DNAH11: variants seen among roughly 807,000 people sequenced by gnomAD.
DNAH11 encodes dynein axonemal heavy chain 11, also known as axonemal beta dynein heavy chain 11.
In DNAH11, 442 loss-of-function variants were observed where a neutral mutation model predicts 526.0. The observed-to-expected ratio is 0.84, with a 90% CI of 0.78 to 0.91. The LOEUF (loss-of-function observed/expected upper bound fraction) is 0.91. Among genes scored for constraint, DNAH11 ranks in the 40% least tolerant of loss-of-function variants. The probability of loss-of-function intolerance (pLI) is 0.00; values close to 1 mark genes in which losing one functional copy is unlikely to be tolerated. For synonymous variants in DNAH11, 2,461 were observed against 1,935.9 expected (o/e 1.27, Z -7.12); for missense variants, 6,989 against 5,448.7 (o/e 1.28, Z -8.90).
chr7:21,575,058 A>C (rs1000635081), intron 8 of DNAH11, among the ~76,000 whole-genome samples: 1 of 151,652 alleles, frequency 6.6e-6, no homozygotes, highest in South Asian at 2.1e-4. Context: ...TATTTTTAAT[A>C]GAGATGGGGT....
At chr7:21,615,077 G>A (rs769123098) in intron 20 of DNAH11, 37 bp from the exon 21 acceptor site, 1 of 1,559,822 alleles carries the variant, frequency 6.4e-7, no homozygotes, top group Admixed American at 2.1e-5. Flanking sequence ...CTCTTTCTCT[G>A]GCAGTTTGTA....
chr7:21,677,223 A>C (rs1363655699), intron 30 of DNAH11, among the ~76,000 whole-genome samples: 1 of 125,934 alleles, frequency 7.9e-6, no homozygotes, highest in Non-Finnish European at 1.7e-5. Context: ...TTTTTTTTTT[A>C]AACAAATTAA....
At chr7:21,588,461 T>C in intron 10 of DNAH11, 51 bp from the exon 11 acceptor site, 1 of 1,605,590 alleles carries the variant, frequency 6.2e-7, no homozygotes, top group South Asian at 1.1e-5. Flanking sequence ...TTGGAAACCA[T>C]TCTGACTAAA....
intron 46 of DNAH11, among the ~76,000 whole-genome samples, chr7:21,736,471 C>T (rs892314424): frequency 5.9e-5 from 9 of 152,152 alleles, no homozygotes; most frequent in African/African-American, 2.2e-4. Flanking sequence ...GGGGGGCAAC[C>T]AGACTCTCTG....
At chr7:21,844,491 T>A (rs1445173040) in intron 66 of DNAH11, among the ~76,000 whole-genome samples, 2 of 152,146 alleles carry the variant, frequency 1.3e-5, no homozygotes. Context: ...ATGACTGCTT[T>A]TGCACTATAA....
chr7:21,846,163 T>C (rs574193713), intron 66 of DNAH11, among the ~76,000 whole-genome samples: 29 of 152,336 alleles, frequency 1.9e-4, no homozygotes, highest in African/African-American at 6.7e-4. Flanking sequence ...TAGATTATCA[T>C]GTCATGCGTG....
intron 60 of DNAH11, among the ~76,000 whole-genome samples, chr7:21,788,585 G>GA (rs753145176): frequency 2.6e-5 from 4 of 151,968 alleles, no homozygotes; most frequent in African/African-American, 4.8e-5. Context: ...CCCACCAGCA[G>GA]AAAAAAAATT....
In DNAH11 at chr7:21,873,479, C is replaced by T. The variant is rs369430487; in HGVS notation, c.12173C>T (p.Ala4058Val). Residue 4058 changes from alanine to valine, a missense_variant, in exon 74 of 82, where the codon GCC (alanine) becomes GTC (valine). Transcript: ENST00000409508. ...ACAGGGATGCTGGCCAATTTGCATG[C>T]CGCCCTGTACAACTTTGATCAGGTA... ...PPTGMLANLHAALYNFDQDTL... is the reference protein window; with the variant it reads ...PPTGMLANLHVALYNFDQDTL... The T allele has an allele frequency of 1.9e-6, 3 of 1,613,830 alleles. No homozygotes were observed. Among genetic ancestry groups the T allele is most frequent in the Non-Finnish European group, 2.5e-6 (3 of 1,179,878 alleles).
At chr7:21,564,709 C>T (rs2128433647) in intron 6 of DNAH11, among the ~76,000 whole-genome samples, 1 of 152,240 alleles carries the variant, frequency 6.6e-6, no homozygotes, top group East Asian at 1.9e-4. Context: ...TTGTAGCCTT[C>T]CCTTCGGTTT....
intron 66 of DNAH11, among the ~76,000 whole-genome samples, chr7:21,847,241 C>G (rs1342575041): frequency 6.6e-6 from 1 of 152,150 alleles, no homozygotes; most frequent in Non-Finnish European, 1.5e-5. Context: ...TCACATTGCT[C>G]CTTTATCTAA....
chr7:21,576,578 C>G (rs1784101368), intron 8 of DNAH11, among the ~76,000 whole-genome samples: 2 of 152,172 alleles, frequency 1.3e-5, no homozygotes, highest in African/African-American at 4.8e-5. Flanking sequence ...ATAAACAGCT[C>G]TTTTGAAGTA....
intron 56 of DNAH11, among the ~76,000 whole-genome samples, chr7:21,775,686 C>T (rs1387924780): frequency 6.6e-6 from 1 of 151,934 alleles, no homozygotes. Flanking sequence ...TTAACTTTTG[C>T]CCCTCTCCAT....
At chr7:21,806,448 G>A (rs1287034446) in intron 62 of DNAH11, among the ~76,000 whole-genome samples, 1 of 152,146 alleles carries the variant, frequency 6.6e-6, no homozygotes, top group African/African-American at 2.4e-5. Flanking sequence ...TTAACTTGGG[G>A]TGATCTTTAA....
At chr7:21,671,264 T>C (rs1782631890) in intron 30 of DNAH11, among the ~76,000 whole-genome samples, 1 of 152,222 alleles carries the variant, frequency 6.6e-6, no homozygotes. Context: ...TGTGGCAAAT[T>C]ACAAACCTCT....
intron 46 of DNAH11, among the ~76,000 whole-genome samples, chr7:21,736,825 C>T (rs1785633139): frequency 6.6e-6 from 1 of 152,012 alleles, no homozygotes; most frequent in African/African-American, 2.4e-5. Flanking sequence ...ACCTGTCCCC[C>T]AAAAAGAGCC....
rs1035113303 is a variant in DNAH11 at position 21,564,305 on chromosome 7, A to G, written c.1102A>G (p.Ile368Val). The stretch of plus-strand genomic sequence containing the variant: ...ATTAATCGCTCCATTATTTCATACC[A>G]TCTGTCTGATCTGGAGTCATTCCAA... ...RILIAPLFHT[I>V]CLIWSHSKFY... is the part of the protein sequence containing the mutation. Residue 368 changes from isoleucine (I) to valine (V), a missense_variant, in exon 6 of 82, where the codon ATC becomes GTC. Transcript: ENST00000409508. The G allele has an allele frequency of 1.9e-6, 3 of 1,613,354 alleles. No individual in the cohort carries two copies. The highest frequency in any genetic ancestry group is 2.5e-6 in the Non-Finnish European group (3 of 1,179,664).
At chr7:21,808,947 G>A (rs1424036628) in intron 63 of DNAH11, among the ~76,000 whole-genome samples, 1 of 151,986 alleles carries the variant, frequency 6.6e-6, no homozygotes, top group Non-Finnish European at 1.5e-5. Context: ...TTTTTTTGAG[G>A]AACCTCCATA....
intron 71 of DNAH11, 84 bp downstream of exon 71, chr7:21,866,747 G>T (rs1253050020): frequency 1.5e-6 from 2 of 1,378,834 alleles, no homozygotes; most frequent in Non-Finnish European, 1.9e-6. Context: ...TCTGGTGGAA[G>T]TGTTTACCAT....
intron 62 of DNAH11, among the ~76,000 whole-genome samples, chr7:21,805,645 G>C: frequency 6.6e-6 from 1 of 152,162 alleles, no homozygotes; most frequent in East Asian, 1.9e-4. Flanking sequence ...TCCGGGACTA[G>C]TTACAGAATG....
Sources: allele counts gnomAD v4.1 joint callset (sites outside exome capture counted in the v4.1 genomes callset), GRCh38; gene constraint gnomAD v4.1.1; transcripts MANE v1.5; gene names NCBI Gene and HGNC (gene_info 2026-07-23, HGNC 2026-07-21).